Variants in AGBL4 observed in about 807,000 individuals in gnomAD.
The protein encoded by AGBL4 is cytosolic carboxypeptidase 6.
In AGBL4, 58 loss-of-function variants were observed where a neutral mutation model predicts 66.4. The observed-to-expected ratio is 0.87, with a 90% CI of 0.71 to 1.09. AGBL4 has a LOEUF of 1.09. Among genes scored for constraint, AGBL4 ranks in the 50% least tolerant of loss-of-function variants. AGBL4 has a pLI of 0.00. For synonymous variants in AGBL4, 234 were observed against 222.9 expected, an observed-to-expected ratio of 1.05 and a Z score of -0.44; for missense variants, 579 against 631.0, an observed-to-expected ratio of 0.92 and a Z score of 0.88.
At chr1:49,828,311 A>G (rs1028759093) in intron 2 of AGBL4, among the ~76,000 whole-genome samples, 1 of 152,238 alleles carries the variant, frequency 6.6e-6, no homozygotes, top group Non-Finnish European at 1.5e-5. Context: ...AAAAGCAAGT[A>G]GCATATGAAA....
intron 12 of AGBL4, among the ~76,000 whole-genome samples, chr1:48,536,619 GTTGAGGAGC>G (rs1256365732): frequency 6.6e-6 from 1 of 152,224 alleles, no homozygotes; most frequent in Non-Finnish European, 1.5e-5. Context: ...GCTCCAGTGT[GTTGAGGAGC>G]TGACAAGCCC....
intron 6 of AGBL4, among the ~76,000 whole-genome samples, chr1:48,681,585 G>T (rs1646455502): frequency 6.6e-6 from 1 of 152,202 alleles, no homozygotes; most frequent in African/African-American, 2.4e-5. Flanking sequence ...GCCAGGAAAA[G>T]CCAGGGTCGA....
intron 5 of AGBL4, among the ~76,000 whole-genome samples, chr1:48,988,130 C>T (rs1185938951): frequency 6.6e-6 from 1 of 152,066 alleles, no homozygotes; most frequent in African/African-American, 2.4e-5. Flanking sequence ...CTTCTGAATG[C>T]TATATACATA....
At chr1:49,559,763 A>G (rs548024586) in intron 3 of AGBL4, among the ~76,000 whole-genome samples, 2 of 152,062 alleles carry the variant, frequency 1.3e-5, no homozygotes, top group Non-Finnish European at 2.9e-5. Context: ...TGAAGGCTAC[A>G]CTGTTGGCTT....
At chr1:49,309,971 T>C (rs1159014825) in intron 3 of AGBL4, among the ~76,000 whole-genome samples, 3 of 152,088 alleles carry the variant, frequency 2.0e-5, no homozygotes, top group Non-Finnish European at 4.4e-5. Context: ...GGTTTCTTTA[T>C]TGAACTCAGA....
chr1:49,013,884 G>A (rs1305083709), intron 5 of AGBL4, among the ~76,000 whole-genome samples: 2 of 152,126 alleles, frequency 1.3e-5, no homozygotes, highest in East Asian at 3.9e-4. Context: ...CATGCTTTGA[G>A]ATTTAACTTA....
intron 1 of AGBL4, among the ~76,000 whole-genome samples, chr1:50,021,001 C>G (rs1435216811): frequency 6.6e-6 from 1 of 152,196 alleles, no homozygotes; most frequent in African/African-American, 2.4e-5. Flanking sequence ...AAAATTATCT[C>G]TCTCAGAAAT....
chr1:49,197,738 T>C (rs1390701793), intron 4 of AGBL4, among the ~76,000 whole-genome samples: 1 of 152,178 alleles, frequency 6.6e-6, no homozygotes, highest in Non-Finnish European at 1.5e-5. Flanking sequence ...ACCATAAAAC[T>C]TGCTACCCAG....
intron 6 of AGBL4, among the ~76,000 whole-genome samples, chr1:48,688,565 G>C (rs1411673078): frequency 6.6e-6 from 1 of 152,094 alleles, no homozygotes; most frequent in African/African-American, 2.4e-5. Context: ...TGGCCTCTAG[G>C]GACCCAGACT....
At chr1:49,351,776 C>G (rs1293745669) in intron 3 of AGBL4, among the ~76,000 whole-genome samples, 1 of 152,132 alleles carries the variant, frequency 6.6e-6, no homozygotes, top group East Asian at 1.9e-4. Context: ...GTTTTTGCTA[C>G]TAACTTGTGA....
At chr1:48,806,535 A>C (rs1489943340) in intron 6 of AGBL4, among the ~76,000 whole-genome samples, 1 of 152,228 alleles carries the variant, frequency 6.6e-6, no homozygotes, top group Non-Finnish European at 1.5e-5. Flanking sequence ...ATATTCCTGC[A>C]GGGATCAAAG....
intron 3 of AGBL4, among the ~76,000 whole-genome samples, chr1:49,547,307 G>A (rs1033759215): frequency 6.6e-6 from 1 of 152,100 alleles, no homozygotes; most frequent in African/African-American, 2.4e-5. Context: ...AAGATCAGTT[G>A]GCTGTAAGTA....
intron 6 of AGBL4, among the ~76,000 whole-genome samples, chr1:48,775,889 C>G (rs1645054607): frequency 6.6e-6 from 1 of 152,214 alleles, no homozygotes; most frequent in African/African-American, 2.4e-5. Context: ...TCAACTCTCT[C>G]ATTCAGGGAG....
chr1:49,366,700 T>C (rs1489477485), intron 3 of AGBL4, among the ~76,000 whole-genome samples: 2 of 152,194 alleles, frequency 1.3e-5, no homozygotes, highest in African/African-American at 2.4e-5. Flanking sequence ...TGAGTTCCCA[T>C]GCTTAGGAGT....
At chr1:49,490,229 T>C (rs896787216) in intron 3 of AGBL4, among the ~76,000 whole-genome samples, 5 of 151,776 alleles carry the variant, frequency 3.3e-5, no homozygotes, top group Admixed American at 2.6e-4. Context: ...GATTTAATCA[T>C]GGTTATTGAA....
Position 49,718,553 on chromosome 1 carries a change from A to G in AGBL4, c.158-21116T>C, listed in dbSNP as rs371793200. 2.0e-5 allele frequency among the ~76,000 whole-genome samples: 3 copies of G among 152,164 alleles called. No homozygotes were observed. The East Asian group carries it at 5.8e-4, about 29-fold the overall frequency. ...CATAAACGGGTCAAAATGAAAAGCC[A>G]TAAGAATCTTCAATAATGGATCTTT... On this transcript the variant is annotated intron_variant, in intron 2 of 13. Transcript: ENST00000371839.
chr1:49,755,607 CAA>C (rs1324744503), intron 2 of AGBL4, among the ~76,000 whole-genome samples: 2 of 152,074 alleles, frequency 1.3e-5, no homozygotes, highest in Non-Finnish European at 2.9e-5. Flanking sequence ...CACACACACA[CAA>C]AAAATCTCCA....
intron 4 of AGBL4, among the ~76,000 whole-genome samples, chr1:49,233,292 T>G (rs1650467927): frequency 6.6e-6 from 1 of 152,200 alleles, no homozygotes; most frequent in South Asian, 2.1e-4. Context: ...TCCAATCTGA[T>G]TTAATTATCA....
chr1:49,130,827 GT>G (rs1163213053), intron 4 of AGBL4, among the ~76,000 whole-genome samples: 1 of 152,080 alleles, frequency 6.6e-6, no homozygotes, highest in Non-Finnish European at 1.5e-5. Context: ...GAACTTTAAA[GT>G]AGTTTTTTCC....
Sources: allele counts gnomAD v4.1 joint callset (sites outside exome capture counted in the v4.1 genomes callset), GRCh38; gene constraint gnomAD v4.1.1; transcripts MANE v1.5; gene names NCBI Gene and HGNC (gene_info 2026-07-23, HGNC 2026-07-21).